RIN2: variants seen among roughly 807,000 people sequenced by gnomAD.
The protein encoded by RIN2 is RAB5 interacting protein 2.
RIN2 carries 36 observed loss-of-function variants against 78.0 expected under a neutral mutation model. The ratio of observed to expected loss-of-function variants is 0.46; its 90% CI spans 0.35 to 0.61. RIN2 has a LOEUF of 0.61. RIN2 is among the 20% of genes least tolerant of loss of function. RIN2 has a pLI of 0.00. For missense variants in RIN2, 1,087 were observed against 1,159.7 expected (o/e 0.94, Z 0.91); for synonymous variants, 466 against 466.8 (o/e 1.00, Z 0.02).
At chr20:19,877,835 T>C (rs773213029) in intron 2 of RIN2, among the ~76,000 whole-genome samples, 3 of 151,930 alleles carry the variant, frequency 2.0e-5, no homozygotes, top group Non-Finnish European at 2.9e-5. Flanking sequence ...ACTGGACAAC[T>C]GTAGAGACCC....
intron 4 of RIN2, among the ~76,000 whole-genome samples, chr20:19,943,307 C>A (rs1000916225): frequency 1.3e-5 from 2 of 152,198 alleles, no homozygotes; most frequent in African/African-American, 4.8e-5. Flanking sequence ...CTTTTTCTTA[C>A]CTCCCGAAAT....
intron 10 of RIN2, among the ~76,000 whole-genome samples, chr20:19,990,949 G>A (rs544361038): frequency 6.6e-6 from 1 of 152,332 alleles, no homozygotes; most frequent in East Asian, 1.9e-4. Flanking sequence ...ATCTTGGAAA[G>A]CCAGCCCTCA....
intron 2 of RIN2, among the ~76,000 whole-genome samples, chr20:19,801,371 A>C (rs1182556940): frequency 6.6e-6 from 1 of 151,898 alleles, no homozygotes; most frequent in Non-Finnish European, 1.5e-5. Flanking sequence ...CCCAGGCTGG[A>C]GTGCAGTGGC....
chr20:19,868,233 C>G (rs1269541464), intron 2 of RIN2, among the ~76,000 whole-genome samples: 1 of 152,214 alleles, frequency 6.6e-6, no homozygotes, highest in African/African-American at 2.4e-5. Flanking sequence ...GGCCACAAAC[C>G]ACGCATCGCC....
At chr20:19,968,778 C>T (rs766196684) in intron 7 of RIN2, among the ~76,000 whole-genome samples, 9 of 152,128 alleles carry the variant, frequency 5.9e-5, no homozygotes, top group Non-Finnish European at 8.8e-5. Flanking sequence ...TAAGTTGGTC[C>T]GGCCACACAA....
intron 9 of RIN2, among the ~76,000 whole-genome samples, chr20:19,978,368 TC>T (rs1191673045): frequency 6.6e-6 from 1 of 152,170 alleles, no homozygotes; most frequent in Non-Finnish European, 1.5e-5. Context: ...TGCACATGTA[TC>T]CCTTTAGTAT....
intron 3 of RIN2, among the ~76,000 whole-genome samples, chr20:19,921,064 G>T (rs966039112): frequency 1.3e-5 from 2 of 152,182 alleles, no homozygotes; most frequent in African/African-American, 4.8e-5. Context: ...CACTGATCAG[G>T]GGTGCCGCCT....
chr20:19,863,689 C>T (rs999352830), intron 2 of RIN2, among the ~76,000 whole-genome samples: 32 of 152,202 alleles, frequency 2.1e-4, no homozygotes, highest in Non-Finnish European at 4.3e-4. Flanking sequence ...ATTACCAGCC[C>T]TAGAATCCTT....
At chr20:19,983,743 T>TG (rs1037696199) in intron 9 of RIN2, among the ~76,000 whole-genome samples, 8 of 151,596 alleles carry the variant, frequency 5.3e-5, no homozygotes, top group Admixed American at 4.6e-4. Context: ...TGCGTAGTGA[T>TG]GAAGTCTGGG....
intron 3 of RIN2, among the ~76,000 whole-genome samples, chr20:19,918,737 A>G (rs990595605): frequency 3.3e-5 from 5 of 152,014 alleles, no homozygotes; most frequent in Non-Finnish European, 5.9e-5. Flanking sequence ...AGAAGTTAGC[A>G]TCTGACTTTA....
intron 1 of RIN2, among the ~76,000 whole-genome samples, chr20:19,759,051 G>A (rs2033515271): frequency 6.6e-6 from 1 of 152,234 alleles, no homozygotes; most frequent in Non-Finnish European, 1.5e-5. Context: ...CCCCTTCTGG[G>A]CTTGGCCTCC....
intron 3 of RIN2, among the ~76,000 whole-genome samples, chr20:19,908,494 A>AC (rs1043768352): frequency 6.7e-6 from 1 of 148,314 alleles, no homozygotes; most frequent in African/African-American, 2.6e-5. Context: ...CCGTCTCAAA[A>AC]AAAAAAAAAA....
intron 1 of RIN2, among the ~76,000 whole-genome samples, chr20:19,794,077 T>C (rs1368178282): frequency 1.3e-5 from 2 of 151,830 alleles, no homozygotes; most frequent in Non-Finnish European, 2.9e-5. Flanking sequence ...CAATTTTACT[T>C]CCTTTAAGAG....
chr20:19,840,581 C>G (rs1350823010), intron 2 of RIN2, among the ~76,000 whole-genome samples: 1 of 152,130 alleles, frequency 6.6e-6, no homozygotes, highest in Admixed American at 6.5e-5. Context: ...AGGGTAAGTC[C>G]CCATGCCCCT....
At chr20:19,797,676 G>A (rs901823266) in intron 1 of RIN2, among the ~76,000 whole-genome samples, 2 of 151,900 alleles carry the variant, frequency 1.3e-5, no homozygotes, top group African/African-American at 2.4e-5. Context: ...TGTGAAGCAG[G>A]GGTTCAGAGG....
chr20:19,974,626 T>G, intron 8 of RIN2, 28 bp from the exon 9 acceptor site: 2 of 1,598,968 alleles, frequency 1.3e-6, no homozygotes, highest in Non-Finnish European at 1.7e-6. Context: ...GTATTTACAT[T>G]CTTGTGTTCA....
chr20:19,790,015 C>A (rs1324668530), intron 1 of RIN2, among the ~76,000 whole-genome samples: 1 of 152,170 alleles, frequency 6.6e-6, no homozygotes, highest in Non-Finnish European at 1.5e-5. Flanking sequence ...TTTCTAGCTA[C>A]TTCTTGACGG....
chr20:19,854,689 A>G (rs1325886836), intron 2 of RIN2, among the ~76,000 whole-genome samples: 1 of 152,028 alleles, frequency 6.6e-6, no homozygotes, highest in African/African-American at 2.4e-5. Context: ...TTTGTCTGTT[A>G]TTGGTGTATA....
chr20:19,952,975 A>G (rs942758607), intron 4 of RIN2, among the ~76,000 whole-genome samples: 1 of 152,166 alleles, frequency 6.6e-6, no homozygotes, highest in African/African-American at 2.4e-5. Context: ...TTAGAAATGC[A>G]ATGTCTCTGG....
Sources: allele counts gnomAD v4.1 joint callset (sites outside exome capture counted in the v4.1 genomes callset), GRCh38; gene constraint gnomAD v4.1.1; transcripts MANE v1.5; gene names NCBI Gene and HGNC (gene_info 2026-07-23, HGNC 2026-07-21).